The following GPC5 variants were observed in gnomAD, a reference collection of about 807,000 sequenced individuals.
The protein encoded by GPC5 is glypican-5.
A neutral mutation model predicts 53.9 loss-of-function variants in GPC5; 47 were observed. The observed-to-expected ratio is 0.87, with a 90% CI of 0.69 to 1.11. The LOEUF is 1.11. GPC5 is among the 50% of genes most tolerant of loss of function. GPC5 has a pLI of 0.00. For synonymous variants in GPC5, 286 were observed against 263.3 expected, an observed-to-expected ratio of 1.09 and a Z score of -0.84; for missense variants, 748 against 713.1, an observed-to-expected ratio of 1.05 and a Z score of -0.56.
intron 7 of GPC5, among the ~76,000 whole-genome samples, chr13:92,364,815 G>C (rs1367480826): frequency 6.6e-6 from 1 of 151,700 alleles, no homozygotes; most frequent in Non-Finnish European, 1.5e-5. Context: ...TTCCAATAAA[G>C]GATTTAGCAT....
At chr13:92,427,578 C>T (rs540354217) in intron 7 of GPC5, among the ~76,000 whole-genome samples, 38 of 151,884 alleles carry the variant, frequency 2.5e-4, no homozygotes, top group Admixed American at 1.8e-3. Flanking sequence ...TGTCTAATAA[C>T]GGGATTAAAC....
intron 5 of GPC5, among the ~76,000 whole-genome samples, chr13:91,798,504 C>T (rs537086247): frequency 2.0e-5 from 3 of 152,292 alleles, no homozygotes; most frequent in African/African-American, 4.8e-5. Flanking sequence ...ATCCATGTCC[C>T]TGCAGAGGAC....
intron 6 of GPC5, among the ~76,000 whole-genome samples, chr13:92,073,039 CT>C (rs34192303): frequency 0.53 from 80,171 of 151,916 alleles, 21,675 homozygotes; most frequent in East Asian, 0.79. Flanking sequence ...AAACCTACCT[CT>C]TTTTCATGAC....
At chr13:92,542,913 T>G (rs1287773484) in intron 7 of GPC5, among the ~76,000 whole-genome samples, 1 of 152,072 alleles carries the variant, frequency 6.6e-6, no homozygotes, top group African/African-American at 2.4e-5. Context: ...TTTTTAGAAT[T>G]CTCTTTTTGT....
At chr13:92,487,071 G>A (rs1879583031) in intron 7 of GPC5, among the ~76,000 whole-genome samples, 1 of 152,106 alleles carries the variant, frequency 6.6e-6, no homozygotes, top group Non-Finnish European at 1.5e-5. Flanking sequence ...GGCCAGGCTG[G>A]TCTCGAACTC....
intron 2 of GPC5, among the ~76,000 whole-genome samples, chr13:91,477,190 C>T (rs981224451): frequency 6.6e-6 from 1 of 151,856 alleles, no homozygotes; most frequent in African/African-American, 2.4e-5. Context: ...ATATGTAATA[C>T]ATTTCATAAT....
chr13:91,650,347 G>A (rs991656215), intron 2 of GPC5, among the ~76,000 whole-genome samples: 1 of 151,932 alleles, frequency 6.6e-6, no homozygotes, highest in Admixed American at 6.6e-5. Flanking sequence ...ATTTCAAGAA[G>A]GTATACAAAT....
chr13:92,306,772 C>A (rs980961843), intron 7 of GPC5, among the ~76,000 whole-genome samples: 1 of 152,182 alleles, frequency 6.6e-6, no homozygotes, highest in Admixed American at 6.5e-5. Context: ...TGTGCATCTC[C>A]TGTGCTCCTC....
At chr13:92,521,123 A>G (rs1881026360) in intron 7 of GPC5, among the ~76,000 whole-genome samples, 1 of 152,196 alleles carries the variant, frequency 6.6e-6, no homozygotes, top group Admixed American at 6.5e-5. Flanking sequence ...AACGAAATAA[A>G]AGAGGATATA....
At chr13:92,428,881 T>A (rs1345978526) in intron 7 of GPC5, among the ~76,000 whole-genome samples, 5 of 152,196 alleles carry the variant, frequency 3.3e-5, no homozygotes, top group Middle Eastern at 3.4e-3. Context: ...AATCTCTGGC[T>A]TCAAGAAATC....
chr13:91,488,077 G>A (rs1883718566), intron 2 of GPC5, among the ~76,000 whole-genome samples: 1 of 152,096 alleles, frequency 6.6e-6, no homozygotes, highest in Admixed American at 6.6e-5. Flanking sequence ...TAGGAAGAGA[G>A]AAATACATAT....
At chr13:91,762,093 A>G (rs1489934983) in intron 5 of GPC5, among the ~76,000 whole-genome samples, 1 of 152,216 alleles carries the variant, frequency 6.6e-6, no homozygotes, top group African/African-American at 2.4e-5. Flanking sequence ...ATCTTGATTA[A>G]GTTAATGTTC....
At chr13:91,695,408 C>T (rs1200055635) in intron 3 of GPC5, among the ~76,000 whole-genome samples, 1 of 152,108 alleles carries the variant, frequency 6.6e-6, no homozygotes, top group Non-Finnish European at 1.5e-5. Context: ...GAGTCTCACT[C>T]TGTCACCCAG....
chr13:92,383,418 G>A (rs774432963), intron 7 of GPC5, among the ~76,000 whole-genome samples: 5 of 152,112 alleles, frequency 3.3e-5, no homozygotes, highest in African/African-American at 1.2e-4. Context: ...TAGTGCTGTT[G>A]TTCACATAAT....
intron 7 of GPC5, among the ~76,000 whole-genome samples, chr13:92,644,419 T>C (rs1885698174): frequency 6.6e-6 from 1 of 152,212 alleles, no homozygotes; most frequent in Non-Finnish European, 1.5e-5. Context: ...TGCCCTATTT[T>C]GTACGTGTCA....
chr13:91,891,550 C>T (rs1330944249), intron 5 of GPC5, among the ~76,000 whole-genome samples: 1 of 152,080 alleles, frequency 6.6e-6, no homozygotes, highest in East Asian at 1.9e-4. Context: ...ATAGTTTCTG[C>T]ATTTGGGGGG....
intron 5 of GPC5, among the ~76,000 whole-genome samples, chr13:91,824,291 T>G (rs553694110): frequency 1.3e-5 from 2 of 151,986 alleles, no homozygotes; most frequent in Non-Finnish European, 2.9e-5. Context: ...TGGACTATGA[T>G]GGCATGAAAT....
chr13:92,678,688 TG>T (rs1204740421), intron 7 of GPC5, among the ~76,000 whole-genome samples: 3 of 152,122 alleles, frequency 2.0e-5, no homozygotes, highest in Non-Finnish European at 4.4e-5. Flanking sequence ...GAGATTTCTA[TG>T]GAGGTGAAAT....
intron 2 of GPC5, among the ~76,000 whole-genome samples, chr13:91,651,525 G>T (rs2034709891): frequency 6.6e-6 from 1 of 152,046 alleles, no homozygotes. Flanking sequence ...TTCAAGACCT[G>T]CCTGACCAAC....
Sources: gnomAD v4.1 joint callset for allele counts (sites outside exome capture counted in the v4.1 genomes callset) on GRCh38, gnomAD v4.1.1 for gene constraint, MANE v1.5 for transcripts, NCBI Gene and HGNC (gene_info 2026-07-23, HGNC 2026-07-21) for gene names.